Variants in GLI3 observed in about 807,000 individuals in gnomAD.
GLI3 encodes the protein GLI family zinc finger 3.
Under a neutral mutation model 100.8 loss-of-function variants are expected in GLI3, and 20 were observed. The observed-to-expected ratio is 0.20, with a 90% CI of 0.14 to 0.29. The LOEUF is 0.29. Among genes scored for constraint, GLI3 ranks in the 10% least tolerant of loss-of-function variants. The probability of loss-of-function intolerance (pLI) is 1.00; values close to 1 mark genes in which losing one functional copy is unlikely to be tolerated. For synonymous variants in GLI3, 938 were observed against 860.5 expected (o/e 1.09, Z -1.58); for missense variants, 2,040 against 2,128.5 (o/e 0.96, Z 0.82).
At chr7:42,181,613 AC>A (rs1439662026) in intron 2 of GLI3, among the ~76,000 whole-genome samples, 7 of 152,120 alleles carry the variant, frequency 4.6e-5, no homozygotes, top group Non-Finnish European at 1.0e-4. Context: ...TCAACAACAA[AC>A]AAAAAAACAA....
At chr7:42,163,915 G>A (rs960073737) in intron 2 of GLI3, among the ~76,000 whole-genome samples, 5 of 152,146 alleles carry the variant, frequency 3.3e-5, no homozygotes, top group East Asian at 1.9e-4. Flanking sequence ...TCAGTCTTCC[G>A]GCCACTCTGT....
At position 42,078,916 on chromosome 7, in the gene GLI3, A is replaced by G. The variant is rs146380229; in HGVS notation, c.368-2059T>C. ...GGCTAATTTTTTGTATTTTTAGTAG[A>G]CACAGGCTTTCACCGTGTTAGCCAG... On this transcript the variant is annotated intron_variant, in intron 3 of 14. Coordinates refer to ENST00000395925, the MANE Select transcript of GLI3 (RefSeq NM_000168.6). Among the ~76,000 whole-genome samples the G allele has an allele frequency of 3.7e-3, 562 of 152,116 alleles. 9 individuals carry two copies. The highest frequency in any genetic ancestry group is 2.5e-3 in the East Asian group (13 of 5,158).
At chr7:42,150,646 C>A (rs549753011) in intron 2 of GLI3, among the ~76,000 whole-genome samples, 4 of 152,302 alleles carry the variant, frequency 2.6e-5, no homozygotes, top group African/African-American at 4.8e-5. Flanking sequence ...AATTAGCATT[C>A]TCTGGGAAAG....
chr7:42,201,117 T>A (rs1022335913), intron 2 of GLI3, among the ~76,000 whole-genome samples: 7 of 152,204 alleles, frequency 4.6e-5, no homozygotes, highest in African/African-American at 1.7e-4. Flanking sequence ...GTCTATCGAT[T>A]AGGCACAGTA....
intron 4 of GLI3, among the ~76,000 whole-genome samples, chr7:42,069,297 G>A (rs1251849734): frequency 6.6e-6 from 1 of 152,198 alleles, no homozygotes. Context: ...TACACCCTTT[G>A]AGTACAATTT....
At chr7:42,087,753 G>A (rs1785133274) in intron 3 of GLI3, among the ~76,000 whole-genome samples, 1 of 150,854 alleles carries the variant, frequency 6.6e-6, no homozygotes, top group Non-Finnish European at 1.5e-5. Flanking sequence ...AAAGGCTCTG[G>A]CATGTACTTA....
chr7:42,074,626 C>T (rs920433986), intron 4 of GLI3, among the ~76,000 whole-genome samples: 4 of 152,084 alleles, frequency 2.6e-5, no homozygotes, highest in African/African-American at 7.2e-5. Context: ...GACACAGGGG[C>T]GTGACATGCC....
At chr7:42,005,694 T>C (rs1788441402) in intron 10 of GLI3, among the ~76,000 whole-genome samples, 2 of 152,092 alleles carry the variant, frequency 1.3e-5, no homozygotes, top group African/African-American at 4.8e-5. Context: ...CATTAACCAC[T>C]GCCCGACGTG....
rs139255779 is a variant in GLI3 at position 42,057,850 on chromosome 7, G to A, written c.474-9154C>T. Reference sequence around the variant, plus strand: ...ATGGGTATGCAAAGGCATACAGAGTGGTATAATGAACTTTAGAGACTGAAA... The same window carrying A: ...ATGGGTATGCAAAGGCATACAGAGTAGTATAATGAACTTTAGAGACTGAAA... On this transcript the variant is annotated intron_variant, in intron 4 of 14. Coordinates refer to ENST00000395925, the MANE Select transcript of GLI3 (RefSeq NM_000168.6). Among the ~76,000 whole-genome samples, 665 of 152,232 alleles carry A rather than the reference G, an allele frequency of 4.4e-3. 5 individuals are homozygous for A. Among genetic ancestry groups the A allele is most frequent in the African/African-American group, 0.015 (611 of 41,562 alleles).
intron 2 of GLI3, among the ~76,000 whole-genome samples, chr7:42,190,796 C>T (rs1787812487): frequency 6.6e-6 from 1 of 151,968 alleles, no homozygotes; most frequent in African/African-American, 2.4e-5. Flanking sequence ...AAATACAATA[C>T]TAGCATATCA....
intron 2 of GLI3, among the ~76,000 whole-genome samples, chr7:42,164,894 T>A (rs1178210457): frequency 1.3e-5 from 2 of 151,004 alleles, no homozygotes; most frequent in East Asian, 3.9e-4. Flanking sequence ...TTTTTTTTTG[T>A]AATGAAATCT....
chr7:41,964,709 G>C lies in GLI3; in HGVS notation c.4364C>G (p.Thr1455Arg), dbSNP rs1016873543. 1.2e-6 allele frequency: 2 copies of C among 1,614,192 alleles called. No individual in the cohort carries two copies. The highest frequency in any genetic ancestry group is 2.2e-5 in the South Asian group (2 of 91,088). Residue 1455 changes from threonine to arginine, a missense_variant, in exon 15 of 15, where the codon ACG (threonine) becomes AGG (arginine). Thr to Arg is a moderately conservative substitution (Grantham distance 71). Around this residue, in one of 5 missense-constraint regions of GLI3, gnomAD observed 1,041 missense variants for 924.0 expected, o/e 1.13. Transcript: ENST00000395925. ...DQTVGFSQQD[T>R]KAGSFSISDA... Reference sequence around the variant, plus strand: ...TGAAATAGAGAATGAACCAGCTTTCGTGTCTTGCTGACTGAAGCCCACGGT... The same window carrying C: ...TGAAATAGAGAATGAACCAGCTTTCCTGTCTTGCTGACTGAAGCCCACGGT...
chr7:42,132,253 A>ACCGCGC (rs1470028486), intron 3 of GLI3, among the ~76,000 whole-genome samples: 2 of 151,290 alleles, frequency 1.3e-5, no homozygotes, highest in African/African-American at 2.4e-5. Context: ...GGCGCCCGCC[A>ACCGCGC]CTACGCCCGG....
intron 1 of GLI3, among the ~76,000 whole-genome samples, chr7:42,252,885 C>A (rs1789048349): frequency 6.6e-6 from 1 of 152,116 alleles, no homozygotes. Context: ...TGAGAAATTT[C>A]AACCAGAGAG....
chr7:42,130,665 T>C (rs547593319), intron 3 of GLI3, among the ~76,000 whole-genome samples: 21 of 152,216 alleles, frequency 1.4e-4, no homozygotes, highest in African/African-American at 4.3e-4. Context: ...GTCAACTATG[T>C]AGAATTTTGG....
At chr7:42,048,151 T>A (rs575809583) in intron 5 of GLI3, among the ~76,000 whole-genome samples, 1 of 152,182 alleles carries the variant, frequency 6.6e-6, no homozygotes, top group East Asian at 1.9e-4. Flanking sequence ...TCTAATCATA[T>A]GTGAAGCAGC....
intron 3 of GLI3, among the ~76,000 whole-genome samples, chr7:42,139,752 C>T (rs1451472819): frequency 6.6e-6 from 1 of 152,206 alleles, no homozygotes; most frequent in Non-Finnish European, 1.5e-5. Flanking sequence ...GAGACAGCAG[C>T]CCAGCCAGGG....
At chr7:42,217,585 C>G (rs3801234) in intron 2 of GLI3, among the ~76,000 whole-genome samples, 4,673 of 152,282 alleles carry the variant, frequency 0.031, 113 homozygotes, top group Middle Eastern at 0.16. Context: ...GTTGAGGAAA[C>G]TGAAATAAAT....
At chr7:42,129,688 G>A (rs1786224746) in intron 3 of GLI3, among the ~76,000 whole-genome samples, 1 of 152,158 alleles carries the variant, frequency 6.6e-6, no homozygotes, top group Non-Finnish European at 1.5e-5. Context: ...GCGGGCGCCT[G>A]TAATCTCAGC....
Sources: allele counts gnomAD v4.1 joint callset (sites outside exome capture counted in the v4.1 genomes callset), GRCh38; gene constraint gnomAD v4.1.1; regional missense constraint gnomAD v4.1.1; transcripts MANE v1.5; gene names NCBI Gene and HGNC (gene_info 2026-07-23, HGNC 2026-07-21).